GRIK2: variants seen among roughly 807,000 people sequenced by gnomAD.
The protein encoded by GRIK2 is glutamate ionotropic receptor kainate type subunit 2.
A neutral mutation model predicts 100.3 loss-of-function variants in GRIK2; 32 were observed. The observed-to-expected ratio is 0.32, with a 90% confidence interval of 0.24 to 0.43. The LOEUF is 0.43. GRIK2 is among the 20% of genes least tolerant of loss of function. The pLI is 1.00. For missense variants in GRIK2, 843 were observed against 1,114.9 expected, an observed-to-expected ratio of 0.76 and a Z score of 3.47; for synonymous variants, 417 against 389.4, an observed-to-expected ratio of 1.07 and a Z score of -0.83.
At chr6:102,033,201 G>A (rs1322790168) in intron 14 of GRIK2, among the ~76,000 whole-genome samples, 1 of 151,168 alleles carries the variant, frequency 6.6e-6, no homozygotes, top group Non-Finnish European at 1.5e-5. Context: ...TTATATATGT[G>A]TAAACTTTTA....
At chr6:101,423,609 T>C (rs1776532368) in intron 2 of GRIK2, among the ~76,000 whole-genome samples, 1 of 152,220 alleles carries the variant, frequency 6.6e-6, no homozygotes, top group Non-Finnish European at 1.5e-5. Flanking sequence ...TGGTGAAATG[T>C]CTATTCATGT....
chr6:101,432,438 G>A (rs1013521610), intron 2 of GRIK2, among the ~76,000 whole-genome samples: 4 of 152,090 alleles, frequency 2.6e-5, no homozygotes, highest in Non-Finnish European at 5.9e-5. Flanking sequence ...AAACATTGGA[G>A]TAAATGATAT....
rs1448175368 is a variant in GRIK2 at position 101,945,278 on chromosome 6, A to G, written c.2085+16646A>G. Among the ~76,000 whole-genome samples the G allele has an allele frequency of 8.5e-5, 13 of 152,244 alleles. No individual in the cohort carries two copies. The East Asian group carries it at 2.1e-3, about 25-fold the overall frequency. On this transcript the variant is annotated intron_variant, in intron 14 of 16. Transcript: ENST00000369134. ...GTTTTCAGTGTAAAATTTACGTTGGATTTCAAAACTAAAATAATGTGAAAC... is the reference window on the plus strand; with the variant it reads ...GTTTTCAGTGTAAAATTTACGTTGGGTTTCAAAACTAAAATAATGTGAAAC...
intron 12 of GRIK2, among the ~76,000 whole-genome samples, chr6:101,897,373 A>G (rs2128460183): frequency 6.6e-6 from 1 of 151,898 alleles, no homozygotes; most frequent in East Asian, 1.9e-4. Flanking sequence ...CTAGATAGCA[A>G]CATTTTTTCA....
At chr6:101,414,554 G>T (rs945679683) in intron 2 of GRIK2, among the ~76,000 whole-genome samples, 1 of 152,060 alleles carries the variant, frequency 6.6e-6, no homozygotes, top group Non-Finnish European at 1.5e-5. Flanking sequence ...TGCAGATTTG[G>T]GTATTTCAGG....
chr6:101,836,619 T>TGTATATATA (rs1434984767), intron 10 of GRIK2, among the ~76,000 whole-genome samples: 42 of 135,102 alleles, frequency 3.1e-4, no homozygotes, highest in African/African-American at 1.1e-3. Flanking sequence ...ATATATATAG[T>TGTATATATA]TATATATATA....
At chr6:101,551,649 G>T (rs1216009400) in intron 2 of GRIK2, among the ~76,000 whole-genome samples, 1 of 152,114 alleles carries the variant, frequency 6.6e-6, no homozygotes, top group Admixed American at 6.6e-5. Flanking sequence ...GAACATAGAA[G>T]CGAACAAGGA....
chr6:101,965,762 A>G (rs1417663641), intron 14 of GRIK2, among the ~76,000 whole-genome samples: 1 of 151,992 alleles, frequency 6.6e-6, no homozygotes, highest in Non-Finnish European at 1.5e-5. Context: ...TCATTTGAGT[A>G]AATCTCAAAT....
At chr6:102,035,693 C>T in intron 15 of GRIK2, 127 bp downstream of exon 15, 3 of 594,950 alleles carry the variant, frequency 5.0e-6, no homozygotes, top group Non-Finnish European at 9.3e-6. Context: ...TGCTACCTCT[C>T]TGATTGTATA....
At chr6:101,696,463 T>C (rs1772494124) in intron 7 of GRIK2, among the ~76,000 whole-genome samples, 1 of 151,902 alleles carries the variant, frequency 6.6e-6, no homozygotes, top group African/African-American at 2.4e-5. Flanking sequence ...AACTCTGTTA[T>C]TAGAAATAAG....
At chr6:101,456,346 TG>T (rs879675921) in intron 2 of GRIK2, among the ~76,000 whole-genome samples, 2 of 152,058 alleles carry the variant, frequency 1.3e-5, no homozygotes, top group African/African-American at 2.4e-5. Context: ...ATATTTTCCT[TG>T]GGATGATTTA....
chr6:101,555,625 A>T (rs1213295570), intron 2 of GRIK2, among the ~76,000 whole-genome samples: 1 of 152,232 alleles, frequency 6.6e-6, no homozygotes, highest in South Asian at 2.1e-4. Flanking sequence ...AAGAGAATTT[A>T]TAAAGCATAT....
rs1778340673 is a variant in GRIK2 at position 101,586,038 on chromosome 6, T to C, written c.116-35911T>C. On this transcript the variant is annotated intron_variant, in intron 2 of 16. Coordinates refer to ENST00000369134, the MANE Select transcript of GRIK2 (RefSeq NM_021956.5). ...AAAGCCAACTCATTCACATTGCAAG[T>C]TACTGTAACAATGCAATGCTGGGTT... Among the ~76,000 whole-genome samples the C allele has an allele frequency of 2.0e-5, 3 of 151,964 alleles. No individual in the cohort carries two copies. In the South Asian group the frequency reaches 6.2e-4, roughly 32 times the overall value.
intron 14 of GRIK2, chr6:101,993,487 C>G (rs189477445): frequency 6.6e-5 from 10 of 151,210 alleles, no homozygotes; most frequent in Admixed American, 4.6e-4. Context: ...ATAGAAGATT[C>G]AAAGATGATA....
At chr6:101,753,282 CAAAA>C (rs774187168) in intron 7 of GRIK2, among the ~76,000 whole-genome samples, 10 of 70,894 alleles carry the variant, frequency 1.4e-4, no homozygotes, top group African/African-American at 2.6e-4. Flanking sequence ...GACTCCGTCT[CAAAA>C]AAAAAAAAAA....
chr6:101,743,299 G>T lies in GRIK2; in HGVS notation c.952-56349G>T, dbSNP rs80080325. Among the ~76,000 whole-genome samples, 349 of 152,204 alleles carry T rather than the reference G, an allele frequency of 2.3e-3. 9 individuals are homozygous for T. The East Asian group carries it at 0.063, about 27-fold the overall frequency. On this transcript the variant is annotated intron_variant, in intron 7 of 16. Transcript: ENST00000369134. ...AGTTAGGAAAAGTTTAGTTTATATC[G>T]CTTAGCTATGTGACTTTTAGCTATA...
chr6:101,556,839 G>C (rs199716251), intron 2 of GRIK2, among the ~76,000 whole-genome samples: 2 of 152,120 alleles, frequency 1.3e-5, no homozygotes, highest in East Asian at 3.9e-4. Flanking sequence ...TAACCATTCT[G>C]CTGTATTTCA....
chr6:101,760,364 T>A lies in GRIK2; in HGVS notation c.952-39284T>A, dbSNP rs182179889. ...ATTATATATAATTAATTATATTTAA[T>A]TATATATTTATTATATATAATTAAT... On this transcript the variant is annotated intron_variant, in intron 7 of 16. Coordinates refer to ENST00000369134, the MANE Select transcript of GRIK2 (RefSeq NM_021956.5). 4.8e-5 allele frequency among the ~76,000 whole-genome samples: 4 copies of A among 83,314 alleles called. No individual in the cohort carries two copies. In the Admixed American group the frequency reaches 5.5e-4, roughly 11 times the overall value. The allele number at this position is 83,314 out of a possible 152,430, so 54.7% of individuals were successfully genotyped here.
intron 11 of GRIK2, among the ~76,000 whole-genome samples, chr6:101,881,276 A>G (rs1414832105): frequency 6.6e-6 from 1 of 151,924 alleles, no homozygotes; most frequent in African/African-American, 2.4e-5. Context: ...AGAATGTAAC[A>G]CCATATTTTA....
Sources: allele counts gnomAD v4.1 joint callset (sites outside exome capture counted in the v4.1 genomes callset), GRCh38; gene constraint gnomAD v4.1.1; transcripts MANE v1.5; gene names NCBI Gene and HGNC (gene_info 2026-07-23, HGNC 2026-07-21).